PADI6: variants seen among roughly 807,000 people sequenced by gnomAD.
The protein encoded by PADI6 is peptidyl arginine deiminase 6, also known as inactive protein-arginine deiminase type-6.
A neutral mutation model predicts 78.2 loss-of-function variants in PADI6; 66 were observed. The ratio of observed to expected loss-of-function variants is 0.84; its 90% CI spans 0.69 to 1.04. The LOEUF (loss-of-function observed/expected upper bound fraction) is 1.04, where lower values mean the gene tolerates loss of function less well. Among genes scored for constraint, PADI6 ranks in the 50% least tolerant of loss-of-function variants. The probability of loss-of-function intolerance (pLI) is 0.00; values close to 1 mark genes in which losing one functional copy is unlikely to be tolerated. For missense variants in PADI6, 854 were observed against 866.1 expected (o/e 0.99, Z 0.18); for synonymous variants, 397 against 346.9 (o/e 1.14, Z -1.60).
chr1:17,378,222 C>T (rs577845952), intron 3 of PADI6, among the ~76,000 whole-genome samples: 1 of 152,312 alleles, frequency 6.6e-6, no homozygotes, highest in Middle Eastern at 3.4e-3. Context: ...GTGCTTATTG[C>T]TATCAAACAT....
chr1:17,372,249 G>A lies in PADI6; in HGVS notation c.4G>A (p.Val2Ile), dbSNP rs1262860734. 2 of 1,613,810 alleles carry A rather than the reference G, an allele frequency of 1.2e-6. No homozygotes were observed. Among genetic ancestry groups the A allele is most frequent in the African/African-American group, 1.3e-5 (1 of 74,928 alleles). M[V>I]SVEGRAMSFQ... ...GGGCTGCGGTGCAGGCCTGAGGATGGTCAGCGTGGAGGGCCGAGCCATGTC... is the reference window on the plus strand; with the variant it reads ...GGGCTGCGGTGCAGGCCTGAGGATGATCAGCGTGGAGGGCCGAGCCATGTC... Residue 2 changes from valine to isoleucine, a missense_variant, in exon 1 of 16, where the codon GTC becomes ATC. Val to Ile is a conservative substitution (Grantham distance 29). Transcript: ENST00000619609.
chr1:17,381,886 C>T (rs2100297071), intron 5 of PADI6, 81 bp from the exon 6 acceptor site: 1 of 1,538,892 alleles, frequency 6.5e-7, no homozygotes, highest in East Asian at 2.3e-5. Context: ...AAACTCCCGG[C>T]CCCTCTCTAC....
chr1:17,392,910 T>C (rs938064551), intron 9 of PADI6, among the ~76,000 whole-genome samples: 3 of 151,954 alleles, frequency 2.0e-5, no homozygotes, highest in Admixed American at 1.3e-4. Context: ...TCCCAACACA[T>C]TGGGAGGCTG....
chr1:17,390,065 G>A (rs2248568), intron 8 of PADI6, among the ~76,000 whole-genome samples: 45,347 of 151,980 alleles, frequency 0.3, 7,078 homozygotes, highest in Middle Eastern at 0.41. Flanking sequence ...TTGGGAGGCC[G>A]AGGCAGGAGG....
chr1:17,374,315 G>A (rs1375874457), intron 2 of PADI6, among the ~76,000 whole-genome samples: 4 of 152,026 alleles, frequency 2.6e-5, no homozygotes, highest in Non-Finnish European at 5.9e-5. Flanking sequence ...GAGGCAAGTA[G>A]TGGACTTAGG....
chr1:17,376,649 C>T (rs1414366107), intron 3 of PADI6, among the ~76,000 whole-genome samples: 1 of 152,006 alleles, frequency 6.6e-6, no homozygotes, highest in Non-Finnish European at 1.5e-5. Context: ...CCGCCCACCT[C>T]AGCCTCCCAG....
intron 9 of PADI6, among the ~76,000 whole-genome samples, chr1:17,392,916 G>A (rs1251528716): frequency 6.6e-6 from 1 of 152,180 alleles, no homozygotes; most frequent in Non-Finnish European, 1.5e-5. Flanking sequence ...CACATTGGGA[G>A]GCTGATCACT....
intron 15 of PADI6, among the ~76,000 whole-genome samples, chr1:17,400,113 C>T (rs1377994864): frequency 6.6e-6 from 1 of 151,514 alleles, no homozygotes; most frequent in African/African-American, 2.4e-5. Flanking sequence ...GAGGCTGAGG[C>T]AGGACAATTT....
Position 17,390,357 on chromosome 1 carries a change from T to C in PADI6, c.962+1477T>C, listed in dbSNP as rs768575938. On this transcript the variant is annotated intron_variant, in intron 8 of 15. Transcript: ENST00000619609. ...GCTCATGCCTGTAATCCCAGCACTT[T>C]GGGAGGCTGAGGCGGGCGGATCACC... Among the ~76,000 whole-genome samples the C allele has an allele frequency of 5.1e-4, 76 of 150,332 alleles. No individual in the cohort carries two copies. In the Middle Eastern group the frequency reaches 0.025, roughly 49 times the overall value.
rs1049560998 is a variant in PADI6, at chr1:17,375,453, C to T, written c.321C>T (p.Asn107=). The change falls in exon 3 of 16, where the codon AAC becomes AAT. Residue 107 remains asparagine (N), a synonymous_variant. Coordinates refer to ENST00000619609, the MANE Select transcript of PADI6 (RefSeq NM_207421.4). ...TCTCGGTCACATACTATGGGCCCAACGAGGATGCCCCCGTGGGCACAGCTG... is the reference window on the plus strand; with the variant it reads ...TCTCGGTCACATACTATGGGCCCAATGAGGATGCCCCCGTGGGCACAGCTG... The part of the protein sequence containing the change: ...DKVSVTYYGP[N]EDAPVGTAVL... 16 of 1,611,584 alleles carry T rather than the reference C, an allele frequency of 9.9e-6. No homozygotes were observed. The highest frequency in any genetic ancestry group is 3.3e-5 in the Admixed American group (2 of 59,730).
At chr1:17,389,081 A>AAT in intron 8 of PADI6, among the ~76,000 whole-genome samples, 1 of 152,196 alleles carries the variant, frequency 6.6e-6, no homozygotes, top group African/African-American at 2.4e-5. Flanking sequence ...TGGAACAGTG[A>AAT]ATGAGACAGT....
intron 6 of PADI6, among the ~76,000 whole-genome samples, chr1:17,388,011 T>C (rs2075137999): frequency 6.6e-6 from 1 of 152,168 alleles, no homozygotes; most frequent in African/African-American, 2.4e-5. Context: ...CCTGGGACAG[T>C]TTCTCACCTT....
intron 1 of PADI6, 114 bp downstream of exon 1, chr1:17,372,475 C>T: frequency 1.0e-6 from 1 of 987,858 alleles, no homozygotes; most frequent in South Asian, 1.4e-5. Flanking sequence ...CTATCCTGCC[C>T]CATCTTGGGA....
chr1:17,393,039 T>G (rs10888031), intron 9 of PADI6, among the ~76,000 whole-genome samples: 90,995 of 151,696 alleles, frequency 0.6, 27,521 homozygotes, highest in South Asian at 0.67. Context: ...CCACCTACTC[T>G]GGTCACTGAG....
intron 13 of PADI6, 48 bp from the exon 14 acceptor site, chr1:17,397,023 T>G: frequency 6.3e-7 from 1 of 1,583,450 alleles, no homozygotes; most frequent in Non-Finnish European, 8.7e-7. Flanking sequence ...CTCTGGGCAG[T>G]GCTGCCATTC....
chr1:17,386,093 C>A (rs973836145), intron 6 of PADI6, among the ~76,000 whole-genome samples: 5 of 152,108 alleles, frequency 3.3e-5, no homozygotes, highest in African/African-American at 9.7e-5. Flanking sequence ...GCCTCCTGGG[C>A]AGCTCTGTGA....
intron 15 of PADI6, among the ~76,000 whole-genome samples, chr1:17,399,388 C>T (rs1218501266): frequency 6.6e-6 from 1 of 152,078 alleles, no homozygotes; most frequent in East Asian, 1.9e-4. Context: ...CACCTGAGGT[C>T]AGGAGTTTGA....
chr1:17,393,596 C>A (rs2075213336), intron 9 of PADI6, among the ~76,000 whole-genome samples: 1 of 152,154 alleles, frequency 6.6e-6, no homozygotes, highest in East Asian at 1.9e-4. Context: ...TCTGCCTCCT[C>A]CTGAGTAGCT....
rs1427909589 is a variant in PADI6, at chr1:17,381,024, C to T, written c.436-23C>T. 8 of 1,558,106 alleles carry T rather than the reference C, an allele frequency of 5.1e-6. No homozygotes were observed. In the East Asian group the frequency reaches 7.0e-5, roughly 14 times the overall value. On this transcript the variant is annotated intron_variant, in intron 4 of 15. Transcript: ENST00000619609. ...AGATTTATTTGGCTCCTTCCTGAGC[C>T]AATGTTCCCATCTCATTTGCAGAAA... is the stretch of plus-strand genomic sequence containing the variant.
Sources: allele counts gnomAD v4.1 joint callset (sites outside exome capture counted in the v4.1 genomes callset), GRCh38; gene constraint gnomAD v4.1.1; transcripts MANE v1.5; gene names NCBI Gene and HGNC (gene_info 2026-07-23, HGNC 2026-07-21).